The following RHAG variants were observed in gnomAD, a reference collection of about 807,000 sequenced individuals.
RHAG encodes the protein ammonium transporter Rh type A.
In RHAG, 25 loss-of-function variants were observed where a neutral mutation model predicts 42.4. The observed-to-expected ratio is 0.59, with a 90% confidence interval of 0.43 to 0.82. The LOEUF (loss-of-function observed/expected upper bound fraction) is 0.82, where lower values mean the gene tolerates loss of function less well. RHAG is among the 40% of genes least tolerant of loss of function. The pLI, the probability that RHAG is intolerant of heterozygous loss-of-function variation, is 0.00. For synonymous variants in RHAG, 182 were observed against 177.7 expected (o/e 1.02, Z -0.19); for missense variants, 483 against 504.6 (o/e 0.96, Z 0.41).
chr6:49,615,640 G>C lies in RHAG; in HGVS notation c.624C>G (p.Asp208Glu). 1 of 1,614,096 alleles carries C rather than the reference G, an allele frequency of 6.2e-7. No homozygotes were observed. ...HENEESAYYSDLFAMIGTLFL... is the reference protein window; with the variant it reads ...HENEESAYYSELFAMIGTLFL... ...CACACTCACCAATCATTGCAAACAA[G>C]TCTGAGTAGTATGCGGACTCTTCAT... Residue 208 changes from aspartate (D) to glutamate (E), a missense_variant, in exon 4 of 10, where the codon GAC becomes GAG. By Grantham distance (45) the Asp-to-Glu change is conservative. Coordinates refer to ENST00000371175, the MANE Select transcript of RHAG (RefSeq NM_000324.3).
At chr6:49,624,355 G>A (rs1759401669) in intron 1 of RHAG, among the ~76,000 whole-genome samples, 1 of 152,076 alleles carries the variant, frequency 6.6e-6, no homozygotes, top group Admixed American at 6.5e-5. Flanking sequence ...ACAGGCGTGT[G>A]CCACCACACC....
intron 1 of RHAG, among the ~76,000 whole-genome samples, chr6:49,628,832 G>A (rs1325652485): frequency 2.0e-5 from 3 of 152,194 alleles, no homozygotes; most frequent in Non-Finnish European, 2.9e-5. Context: ...GAGTATTACA[G>A]CTCATAAAAG....
intron 1 of RHAG, among the ~76,000 whole-genome samples, chr6:49,634,389 A>G (rs1373897285): frequency 1.3e-5 from 2 of 152,144 alleles, no homozygotes; most frequent in East Asian, 3.8e-4. Context: ...ATTATAATGT[A>G]AACAATATGG....
chr6:49,636,157 ACT>A (rs1763007148), intron 1 of RHAG, among the ~76,000 whole-genome samples: 1 of 152,008 alleles, frequency 6.6e-6, no homozygotes, highest in South Asian at 2.1e-4. Context: ...ATATTGTAAA[ACT>A]CTGAGTACAC....
chr6:49,622,580 C>G (rs1417839257), intron 1 of RHAG, among the ~76,000 whole-genome samples: 1 of 152,094 alleles, frequency 6.6e-6, no homozygotes, highest in East Asian at 1.9e-4. Flanking sequence ...CCATGACACC[C>G]AAGAGGTGAC....
intron 1 of RHAG, among the ~76,000 whole-genome samples, chr6:49,632,453 G>T (rs1201142696): frequency 6.6e-6 from 1 of 152,170 alleles, no homozygotes; most frequent in Non-Finnish European, 1.5e-5. Context: ...CAGAAAATTT[G>T]TGTCTGCTAT....
Position 49,607,187 on chromosome 6 carries a change from G to A in RHAG, c.1101C>T (p.Ser367=), listed in dbSNP as rs139371066. The change falls in exon 8 of 10, where the codon TCC becomes TCT. Residue 367 remains serine (S), a synonymous_variant. Coordinates refer to ENST00000371175, the MANE Select transcript of RHAG (RefSeq NM_000324.3). ...CTCCAACAACTGCTGTTCCGATAGA[G>A]GAACCCAGTGCAGCTGCCTGCATGG... is the stretch of plus-strand genomic sequence containing the variant. ...SMAMQAAALG[S]SIGTAVVGGL... 67 of 1,613,702 alleles carry A rather than the reference G, an allele frequency of 4.2e-5. No homozygotes were observed. In the African/African-American group the frequency reaches 8.0e-4, roughly 19 times the overall value.
intron 7 of RHAG, among the ~76,000 whole-genome samples, chr6:49,608,298 T>C (rs1762507960): frequency 6.6e-6 from 1 of 152,180 alleles, no homozygotes; most frequent in Admixed American, 6.5e-5. Context: ...TGAGAACATC[T>C]CCTCTGAACA....
At chr6:49,626,323 C>A (rs1026739717) in intron 1 of RHAG, among the ~76,000 whole-genome samples, 1 of 152,192 alleles carries the variant, frequency 6.6e-6, no homozygotes, top group African/African-American at 2.4e-5. Context: ...TAAATACTCC[C>A]ATTCCAAATG....
At chr6:49,614,944 A>G (rs1762629629) in intron 4 of RHAG, 91 bp from the exon 5 acceptor site, 1 of 1,192,186 alleles carries the variant, frequency 8.4e-7, no homozygotes, top group Non-Finnish European at 1.2e-6. Flanking sequence ...TTACTTATTT[A>G]TTTGTTTATT....
intron 1 of RHAG, among the ~76,000 whole-genome samples, chr6:49,625,939 C>G (rs1168900530): frequency 6.6e-6 from 1 of 152,166 alleles, no homozygotes; most frequent in Admixed American, 6.5e-5. Context: ...TTTATAAAAC[C>G]ATCAGCTCTC....
intron 2 of RHAG, among the ~76,000 whole-genome samples, chr6:49,618,538 G>A (rs1581943059): frequency 6.6e-6 from 1 of 152,220 alleles, no homozygotes; most frequent in East Asian, 1.9e-4. Context: ...AATAACTAAT[G>A]GGAAATTTTT....
intron 7 of RHAG, among the ~76,000 whole-genome samples, chr6:49,610,612 A>G (rs531810194): frequency 6.6e-6 from 1 of 152,162 alleles, no homozygotes. Context: ...CTGCAGAACC[A>G]ACTGCTTTCT....
intron 1 of RHAG, among the ~76,000 whole-genome samples, chr6:49,622,512 T>C (rs934868527): frequency 4.0e-5 from 6 of 151,896 alleles, no homozygotes; most frequent in African/African-American, 1.5e-4. Context: ...CCTGGCAATC[T>C]GATGGTTTTA....
At chr6:49,616,408 T>C (rs1396190345) in intron 3 of RHAG, among the ~76,000 whole-genome samples, 2 of 149,990 alleles carry the variant, frequency 1.3e-5, no homozygotes, top group Non-Finnish European at 1.5e-5. Context: ...GAAGATGATA[T>C]GTTCACTTGA....
intron 1 of RHAG, among the ~76,000 whole-genome samples, chr6:49,622,668 G>T (rs1291250199): frequency 1.3e-5 from 2 of 151,996 alleles, no homozygotes; most frequent in Non-Finnish European, 1.5e-5. Flanking sequence ...AACTTCTTTC[G>T]TTCGTAAATT....
intron 1 of RHAG, among the ~76,000 whole-genome samples, chr6:49,624,125 C>T (rs541272104): frequency 1.3e-5 from 2 of 152,208 alleles, no homozygotes; most frequent in Non-Finnish European, 2.9e-5. Flanking sequence ...TAGAATCCTA[C>T]ACTGTTCTTA....
chr6:49,634,009 T>C (rs1181154269), intron 1 of RHAG, among the ~76,000 whole-genome samples: 2 of 152,154 alleles, frequency 1.3e-5, no homozygotes, highest in Non-Finnish European at 2.9e-5. Context: ...GTAATATGTA[T>C]ACACATTTAT....
At chr6:49,623,507 G>A (rs184138111) in intron 1 of RHAG, among the ~76,000 whole-genome samples, 3 of 152,264 alleles carry the variant, frequency 2.0e-5, no homozygotes, top group Non-Finnish European at 4.4e-5. Flanking sequence ...TTAGGGGTTC[G>A]CACTTTGGAG....
Sources: allele counts gnomAD v4.1 joint callset (sites outside exome capture counted in the v4.1 genomes callset), GRCh38; gene constraint gnomAD v4.1.1; transcripts MANE v1.5; gene names NCBI Gene and HGNC (gene_info 2026-07-23, HGNC 2026-07-21).